The following TSPAN12 variants were observed in gnomAD, a reference collection of about 807,000 sequenced individuals.
TSPAN12 encodes the protein tetraspanin-12.
TSPAN12 carries 19 observed loss-of-function variants against 39.2 expected under a neutral mutation model. The ratio of observed to expected loss-of-function variants is 0.49; its 90% CI spans 0.34 to 0.71. TSPAN12 has a LOEUF of 0.71. TSPAN12 is among the 30% of genes least tolerant of loss of function. The probability of loss-of-function intolerance (pLI) is 0.01; values close to 1 mark genes in which losing one functional copy is unlikely to be tolerated. For synonymous variants in TSPAN12, 119 were observed against 124.8 expected (o/e 0.95, Z 0.31); for missense variants, 314 against 359.9 (o/e 0.87, Z 1.03).
At chr7:120,794,232 A>T (rs1793587374) in intron 7 of TSPAN12, among the ~76,000 whole-genome samples, 1 of 152,244 alleles carries the variant, frequency 6.6e-6, no homozygotes, top group Non-Finnish European at 1.5e-5. Flanking sequence ...TCTCTATAGT[A>T]CATGCAATTA....
At chr7:120,792,476 G>A (rs1007713710) in intron 7 of TSPAN12, among the ~76,000 whole-genome samples, 2 of 151,514 alleles carry the variant, frequency 1.3e-5, no homozygotes, top group Non-Finnish European at 2.9e-5. Context: ...TGGAGATCTC[G>A]AAAGTTACAC....
At chr7:120,798,972 G>T (rs549633853) in intron 7 of TSPAN12, among the ~76,000 whole-genome samples, 1 of 152,134 alleles carries the variant, frequency 6.6e-6, no homozygotes, top group South Asian at 2.1e-4. Context: ...TGCCTGCTCT[G>T]TATCAACCTC....
intron 2 of TSPAN12, among the ~76,000 whole-genome samples, chr7:120,850,031 C>A (rs1271326871): frequency 6.6e-6 from 1 of 152,214 alleles, no homozygotes; most frequent in Non-Finnish European, 1.5e-5. Context: ...TTCTCAGCTT[C>A]CCTCTACCAG....
rs904401571 is a variant in TSPAN12 at position 120,838,693 on chromosome 7, C to T, written c.285+84G>A. Reference sequence around the variant, plus strand: ...GGATGTTGTTACTGCTATCACTGCTCCCTAATCTTGTGAACTGATTAAAAA... The same window carrying T: ...GGATGTTGTTACTGCTATCACTGCTTCCTAATCTTGTGAACTGATTAAAAA... On this transcript the variant is annotated intron_variant, in intron 4 of 7. Coordinates refer to ENST00000222747, the MANE Select transcript of TSPAN12 (RefSeq NM_012338.4). 1.5e-5 allele frequency: 21 copies of T among 1,434,380 alleles called. No individual in the cohort carries two copies. The African/African-American group carries it at 2.4e-4, about 17-fold the overall frequency. The allele number at this position is 1,434,380 out of a possible 1,614,324, so 88.9% of individuals were successfully genotyped here.
intron 7 of TSPAN12, among the ~76,000 whole-genome samples, chr7:120,796,696 G>A (rs573939534): frequency 2.6e-5 from 4 of 152,200 alleles, no homozygotes; most frequent in African/African-American, 9.6e-5. Flanking sequence ...ACAGAGTTCT[G>A]TCCCTGGCTG....
intron 4 of TSPAN12, among the ~76,000 whole-genome samples, chr7:120,827,039 A>T (rs1174757049): frequency 6.6e-6 from 1 of 152,204 alleles, no homozygotes; most frequent in Non-Finnish European, 1.5e-5. Context: ...CAGCATCTTT[A>T]TGAAAACACT....
At chr7:120,835,176 TA>T (rs1182626289) in intron 4 of TSPAN12, among the ~76,000 whole-genome samples, 1 of 152,168 alleles carries the variant, frequency 6.6e-6, no homozygotes, top group Non-Finnish European at 1.5e-5. Context: ...AAAGGAAGTT[TA>T]TAATAAGAGA....
chr7:120,810,624 TCACA>T lies in TSPAN12; in HGVS notation c.361-58_361-55del, dbSNP rs112555207. The stretch of plus-strand genomic sequence containing the variant: ...CTGTAGCTCACACACAGACACAGAT[TCACA>T]CACACACACACACACACACACACAC... On this transcript the variant is annotated intron_variant, in intron 5 of 7. Coordinates refer to ENST00000222747, the MANE Select transcript of TSPAN12 (RefSeq NM_012338.4). 0.018 allele frequency: 12,752 copies of T among 710,934 alleles called. 214 individuals are homozygous for T. Among genetic ancestry groups the T allele is most frequent in the African/African-American group, 0.1 (5,728 of 56,116 alleles). 44.0% of individuals were successfully genotyped at this position (710,934 alleles called of 1,614,324 possible). A position where few individuals can be genotyped will look rare whatever the true frequency, so the allele number is the denominator to read the frequency against.
At chr7:120,793,686 C>T (rs2116295392) in intron 7 of TSPAN12, among the ~76,000 whole-genome samples, 1 of 152,280 alleles carries the variant, frequency 6.6e-6, no homozygotes, top group South Asian at 2.1e-4. Flanking sequence ...GAAATGAAAT[C>T]AGTTGACATC....
upstream of TSPAN12, chr7:120,858,246 G>C (rs1377218611): frequency 6.6e-6 from 1 of 152,258 alleles, no homozygotes; most frequent in East Asian, 1.9e-4. Context: ...CTGCAGGATA[G>C]GGTCCAGAAG....
intron 2 of TSPAN12, among the ~76,000 whole-genome samples, chr7:120,851,872 G>A (rs1325239094): frequency 1.3e-5 from 2 of 152,124 alleles, no homozygotes; most frequent in Admixed American, 1.3e-4. Context: ...CTTTTGTGCC[G>A]ACCCCAGTAC....
chr7:120,847,311 A>C (rs1210235393), intron 2 of TSPAN12, among the ~76,000 whole-genome samples: 1 of 152,066 alleles, frequency 6.6e-6, no homozygotes, highest in Non-Finnish European at 1.5e-5. Flanking sequence ...CTTTAGACTT[A>C]AGGGTTTTCT....
At chr7:120,800,376 A>G (rs1194442581) in intron 7 of TSPAN12, among the ~76,000 whole-genome samples, 2 of 152,120 alleles carry the variant, frequency 1.3e-5, no homozygotes, top group Non-Finnish European at 2.9e-5. Flanking sequence ...GCATTGTCCA[A>G]TTTTAGCAAG....
At chr7:120,815,490 G>A (rs773407411) in intron 5 of TSPAN12, among the ~76,000 whole-genome samples, 4 of 152,040 alleles carry the variant, frequency 2.6e-5, no homozygotes, top group African/African-American at 9.7e-5. Context: ...TTCCCCCTTC[G>A]ATCAACACTT....
At chr7:120,830,074 A>G (rs991322424) in intron 4 of TSPAN12, among the ~76,000 whole-genome samples, 7 of 152,152 alleles carry the variant, frequency 4.6e-5, no homozygotes, top group African/African-American at 1.7e-4. Context: ...TAAAATACTT[A>G]CAAGTAAATT....
At chr7:120,826,845 C>G (rs570343086) in intron 4 of TSPAN12, among the ~76,000 whole-genome samples, 3 of 152,276 alleles carry the variant, frequency 2.0e-5, no homozygotes, top group African/African-American at 7.2e-5. Flanking sequence ...GCCTCAGCCT[C>G]CCAAGTGGCT....
At chr7:120,789,011 TA>T in intron 7 of TSPAN12, 114 bp from the exon 8 acceptor site, 1 of 1,117,586 alleles carries the variant, frequency 8.9e-7, no homozygotes, top group Non-Finnish European at 1.3e-6. Context: ...ACTGGGATCA[TA>T]AAGTTTAAGA....
At chr7:120,846,393 T>C (rs1794670162) in intron 2 of TSPAN12, among the ~76,000 whole-genome samples, 1 of 152,260 alleles carries the variant, frequency 6.6e-6, no homozygotes, top group Non-Finnish European at 1.5e-5. Context: ...ACTGGCTTTA[T>C]AGGCTGTTTA....
chr7:120,813,092 G>A (rs1196529158), intron 5 of TSPAN12, among the ~76,000 whole-genome samples: 3 of 152,188 alleles, frequency 2.0e-5, no homozygotes, highest in Non-Finnish European at 2.9e-5. Context: ...TGGTCATAAA[G>A]TAACACACAG....
Sources: gnomAD v4.1 joint callset for allele counts (sites outside exome capture counted in the v4.1 genomes callset) on GRCh38, gnomAD v4.1.1 for gene constraint, MANE v1.5 for transcripts, NCBI Gene and HGNC (gene_info 2026-07-23, HGNC 2026-07-21) for gene names.